Variants in TPD52L2 observed in about 807,000 individuals in gnomAD.
TPD52L2 encodes TPD52 like 2, also known as tumor protein D54.
In TPD52L2, 19 loss-of-function variants were observed where a neutral mutation model predicts 24.7. The observed-to-expected ratio is 0.77, with a 90% confidence interval of 0.54 to 1.13. The LOEUF (loss-of-function observed/expected upper bound fraction) is 1.13, where lower values mean the gene tolerates loss of function less well. Ranked by LOEUF, TPD52L2 falls within the 50% of genes most tolerant of loss-of-function variation. TPD52L2 has a pLI of 0.00. For missense variants in TPD52L2, 236 were observed against 250.4 expected (o/e 0.94, Z 0.39); for synonymous variants, 104 against 100.2 (o/e 1.04, Z -0.23).
intron 2 of TPD52L2, among the ~76,000 whole-genome samples, chr20:63,870,914 C>T (rs1347936671): frequency 6.6e-6 from 1 of 152,034 alleles, no homozygotes; most frequent in East Asian, 1.9e-4. Context: ...GACAGAGTTT[C>T]ACCATGTTGG....
chr20:63,889,777 A>G, intron 6 of TPD52L2, 73 bp from the exon 7 acceptor site: 13 of 1,429,518 alleles, frequency 9.1e-6, no homozygotes, highest in African/African-American at 1.4e-5. Context: ...AGCATTGAGC[A>G]TGGGCCTGGG....
At chr20:63,868,168 C>T (rs1176406593) in intron 1 of TPD52L2, among the ~76,000 whole-genome samples, 1 of 152,222 alleles carries the variant, frequency 6.6e-6, no homozygotes, top group Non-Finnish European at 1.5e-5. Context: ...CTGCCTCGGC[C>T]TCCAAAAGTG....
chr20:63,871,905 A>G (rs2052480171), intron 2 of TPD52L2, among the ~76,000 whole-genome samples: 1 of 152,092 alleles, frequency 6.6e-6, no homozygotes, highest in African/African-American at 2.4e-5. Context: ...AAGTGCTGGG[A>G]TTACAGGCAT....
chr20:63,873,702 T>C lies in TPD52L2; in HGVS notation c.200T>C (p.Leu67Pro). The change falls in exon 3 of 7, where the codon CTG (leucine) becomes CCG (proline). Residue 67 changes from leucine to proline, a missense_variant. Physicochemically the swap from Leu to Pro is moderately conservative, Grantham distance 98. Transcript: ENST00000346249. Reference sequence around the variant, plus strand: ...GAAATTGTCACTCTGCGCCAGGTCCTGGCAGCCAAGGAGAGGCACTGTGGA... The same window carrying C: ...GAAATTGTCACTCTGCGCCAGGTCCCGGCAGCCAAGGAGAGGCACTGTGGA... ...EEEIVTLRQVLAAKERHCGEL... is the reference protein window; with the variant it reads ...EEEIVTLRQVPAAKERHCGEL... 6.2e-7 allele frequency: 1 copy of C among 1,609,370 alleles called. No individual in the cohort carries two copies. The highest frequency in any genetic ancestry group is 8.5e-7 in the Non-Finnish European group (1 of 1,178,558).
chr20:63,876,630 T>C (rs566976522), intron 4 of TPD52L2: 12 of 383,740 alleles, frequency 3.1e-5, no homozygotes, highest in African/African-American at 2.3e-4. Flanking sequence ...GCTGTAATCG[T>C]TGCCACAGAA....
intron 3 of TPD52L2, among the ~76,000 whole-genome samples, chr20:63,875,546 G>A (rs889178879): frequency 4.6e-5 from 7 of 152,240 alleles, no homozygotes; most frequent in Non-Finnish European, 7.3e-5. Flanking sequence ...CAGCAGTGCT[G>A]TTGCCCAAGA....
chr20:63,872,447 G>A (rs895889091), intron 2 of TPD52L2, among the ~76,000 whole-genome samples: 5 of 151,948 alleles, frequency 3.3e-5, no homozygotes, highest in Admixed American at 6.6e-5. Flanking sequence ...GCATGATCTC[G>A]GCTCACTGCA....
intron 4 of TPD52L2, among the ~76,000 whole-genome samples, chr20:63,881,160 A>C (rs2052882542): frequency 6.6e-6 from 1 of 152,000 alleles, no homozygotes; most frequent in South Asian, 2.1e-4. Context: ...TCAGGAGTTC[A>C]AGACCAGCCT....
intron 2 of TPD52L2, among the ~76,000 whole-genome samples, chr20:63,872,186 G>A (rs1055852806): frequency 1.3e-5 from 2 of 151,942 alleles, no homozygotes; most frequent in Admixed American, 6.6e-5. Context: ...CCAAGGTTTG[G>A]AACTGACCTC....
chr20:63,873,115 G>T (rs2052530521), intron 2 of TPD52L2, among the ~76,000 whole-genome samples: 1 of 152,018 alleles, frequency 6.6e-6, no homozygotes, highest in Non-Finnish European at 1.5e-5. Context: ...TGGACATGGT[G>T]ATTGGTAGCT....
chr20:63,865,501 C>T, intron 1 of TPD52L2, 117 bp downstream of exon 1: 1 of 1,352,056 alleles, frequency 7.4e-7, no homozygotes, highest in East Asian at 2.8e-5. Context: ...ACCCACCCCG[C>T]GGCCCCTCTT....
At chr20:63,867,913 C>G (rs1287243483) in intron 1 of TPD52L2, among the ~76,000 whole-genome samples, 1 of 146,514 alleles carries the variant, frequency 6.8e-6, no homozygotes, top group African/African-American at 2.5e-5. Flanking sequence ...GCTGGGATTA[C>G]CGGCATGAGC....
intron 2 of TPD52L2, among the ~76,000 whole-genome samples, chr20:63,872,159 C>T (rs1037832024): frequency 1.3e-5 from 2 of 149,628 alleles, no homozygotes; most frequent in African/African-American, 2.5e-5. Context: ...CCTTTTGGTT[C>T]GTGTAACTGA....
chr20:63,874,228 T>TTTTG lies in TPD52L2; in HGVS notation c.314+413_314+414insTTGT, dbSNP rs892015673. 4.2e-3 allele frequency among the ~76,000 whole-genome samples: 586 copies of TTTTG among 139,982 alleles called. 4 individuals carry two copies. The highest frequency in any genetic ancestry group is 0.012 in the East Asian group (56 of 4,594). 91.8% of individuals were successfully genotyped at this position (139,982 alleles called of 152,430 possible). A position where few individuals can be genotyped will look rare whatever the true frequency, so the allele number is the denominator to read the frequency against. ...CACCGCGCCCGGCTGATTTTTTTTT[T>TTTTG]TGTGTGTGTGTGTGTGTGTGTGTGT... is the stretch of plus-strand genomic sequence containing the variant. On this transcript the variant is annotated intron_variant, in intron 3 of 6. Coordinates refer to ENST00000346249, the MANE Select transcript of TPD52L2 (RefSeq NM_003288.4).
chr20:63,868,668 G>T (rs780193359), intron 1 of TPD52L2, among the ~76,000 whole-genome samples: 17 of 152,314 alleles, frequency 1.1e-4, no homozygotes, highest in Non-Finnish European at 1.9e-4. Context: ...ATTTGTCAGG[G>T]TATGGTGGCT....
chr20:63,874,000 C>T (rs1293671563), intron 3 of TPD52L2, among the ~76,000 whole-genome samples, 184 bp downstream of exon 3: 1 of 152,076 alleles, frequency 6.6e-6, no homozygotes, highest in African/African-American at 2.4e-5. Flanking sequence ...CTTGTTTGTT[C>T]AAAAAGCTTG....
intron 5 of TPD52L2, chr20:63,887,824 G>A: frequency 1.7e-6 from 1 of 592,080 alleles, no homozygotes; most frequent in East Asian, 2.8e-5. Flanking sequence ...AGCCTCCAGA[G>A]GAGATCCTTG....
At chr20:63,871,353 AT>A (rs368018116) in intron 2 of TPD52L2, among the ~76,000 whole-genome samples, 2,697 of 123,860 alleles carry the variant, frequency 0.022, 88 homozygotes, top group African/African-American at 0.073. Flanking sequence ...AAGAAAGAGA[AT>A]TTTTTTTTTT....
chr20:63,888,221 G>A (rs1027607351), intron 5 of TPD52L2: 18 of 155,476 alleles, frequency 1.2e-4, no homozygotes, highest in Admixed American at 7.5e-4. Context: ...GCCTGGGAGG[G>A]GTATCTGTTT....
Sources: allele counts gnomAD v4.1 joint callset (sites outside exome capture counted in the v4.1 genomes callset), GRCh38; gene constraint gnomAD v4.1.1; transcripts MANE v1.5; gene names NCBI Gene and HGNC (gene_info 2026-07-23, HGNC 2026-07-21).